The following MACF1 variants were observed in gnomAD, a reference collection of about 807,000 sequenced individuals.
MACF1 encodes the protein microtubule-actin cross-linking factor 1.
MACF1 carries 193 observed loss-of-function variants against 854.8 expected under a neutral mutation model. The ratio of observed to expected loss-of-function variants is 0.23; its 90% CI spans 0.20 to 0.25. The LOEUF (loss-of-function observed/expected upper bound fraction) is 0.25, where lower values mean the gene tolerates loss of function less well. Among genes scored for constraint, MACF1 ranks in the 10% least tolerant of loss-of-function variants. The pLI is 1.00. For missense variants in MACF1, 7,722 were observed against 8,929.1 expected, an observed-to-expected ratio of 0.86 and a Z score of 5.45; for synonymous variants, 3,185 against 3,226.7, an observed-to-expected ratio of 0.99 and a Z score of 0.44.
chr1:39,397,572 A>AG (rs1278251062), intron 58 of MACF1, among the ~76,000 whole-genome samples: 1 of 152,150 alleles, frequency 6.6e-6, no homozygotes, highest in Non-Finnish European at 1.5e-5. Flanking sequence ...AAAAAAAAAA[A>AG]AAGTAGCTAC....
At chr1:39,382,299 A>G in intron 56 of MACF1, 147 bp downstream of exon 56, 1 of 713,468 alleles carries the variant, frequency 1.4e-6, no homozygotes, top group African/African-American at 1.8e-5. Context: ...GGTGTTAATC[A>G]TGGTGCCTGT....
chr1:39,119,724 T>C (rs1338113421), intron 2 of MACF1, among the ~76,000 whole-genome samples: 1 of 152,164 alleles, frequency 6.6e-6, no homozygotes, highest in Non-Finnish European at 1.5e-5. Flanking sequence ...ATGTTCCCGA[T>C]TTTAGTGAAT....
chr1:39,089,885 G>C (rs1218275043), intron 2 of MACF1, among the ~76,000 whole-genome samples: 1 of 152,212 alleles, frequency 6.6e-6, no homozygotes, highest in Non-Finnish European at 1.5e-5. Context: ...ACGAGAATCA[G>C]AATGTGCTGG....
chr1:39,477,068 TATATATATATATATATATATATACAC>T (rs1261218130), intron 97 of MACF1, among the ~76,000 whole-genome samples: 85 of 19,452 alleles, frequency 4.4e-3, no homozygotes, highest in East Asian at 6.5e-3. Flanking sequence ...TATATATATA[TATATATATATATATATATATATACAC>T]ACACACACAT....
At chr1:39,441,818 G>T in intron 74 of MACF1, 134 bp from the exon 75 acceptor site, 1 of 667,980 alleles carries the variant, frequency 1.5e-6, no homozygotes, top group South Asian at 1.8e-5. Flanking sequence ...CTTTATCTGT[G>T]CCCCTTACCT....
chr1:39,435,433 G>A, intron 69 of MACF1, 125 bp from the exon 70 acceptor site: 2 of 722,152 alleles, frequency 2.8e-6, no homozygotes, highest in Non-Finnish European at 4.6e-6. Flanking sequence ...TGAGATGCTG[G>A]GCCTTGCTGG....
intron 2 of MACF1, among the ~76,000 whole-genome samples, chr1:39,088,854 A>G (rs2148118855): frequency 1.3e-5 from 2 of 152,208 alleles, no homozygotes; most frequent in South Asian, 4.1e-4. Context: ...GTGTACATTT[A>G]TTATTACAAG....
At chr1:39,190,200 CA>C (rs1171288123) in intron 2 of MACF1, among the ~76,000 whole-genome samples, 16 of 152,052 alleles carry the variant, frequency 1.1e-4, no homozygotes, top group African/African-American at 3.9e-4. Context: ...AAATTTTTGT[CA>C]ATATCTTTTT....
At chr1:39,287,225 T>C (rs933137015) in intron 14 of MACF1, 61 bp from the exon 15 acceptor site, 1 of 1,518,770 alleles carries the variant, frequency 6.6e-7, no homozygotes, top group African/African-American at 1.4e-5. Context: ...AGGAAGATTT[T>C]ATTTTTAAAA....
chr1:39,219,799 G>A (rs1644626752), intron 1 of MACF1, among the ~76,000 whole-genome samples: 1 of 152,176 alleles, frequency 6.6e-6, no homozygotes, highest in Non-Finnish European at 1.5e-5. Context: ...CACCCAGGCT[G>A]GATTGCAGTG....
chr1:39,119,725 T>C (rs193208618), intron 2 of MACF1, among the ~76,000 whole-genome samples: 33 of 152,292 alleles, frequency 2.2e-4, no homozygotes, highest in African/African-American at 7.9e-4. Flanking sequence ...TGTTCCCGAT[T>C]TTAGTGAATG....
chr1:39,452,827 G>C lies in MACF1; in HGVS notation c.20742+15G>C, dbSNP rs1347191967. ...ACACCCATAAGGTAATCCAGCCTTGGGGTTTGGTGACCTCATGCTACCTAC... is the reference window on the plus strand; with the variant it reads ...ACACCCATAAGGTAATCCAGCCTTGCGGTTTGGTGACCTCATGCTACCTAC... On this transcript the variant is annotated intron_variant, in intron 87 of 100. Coordinates refer to ENST00000564288, the MANE Select transcript of MACF1 (RefSeq NM_001394062.1). The C allele has an allele frequency of 6.2e-7, 1 of 1,612,638 alleles. No individual in the cohort carries two copies. The highest frequency in any genetic ancestry group is 1.7e-5 in the Admixed American group (1 of 59,978).
chr1:39,107,615 A>AT (rs1642281073), intron 2 of MACF1, among the ~76,000 whole-genome samples: 1 of 152,116 alleles, frequency 6.6e-6, no homozygotes, highest in Non-Finnish European at 1.5e-5. Context: ...GAATTCCTGC[A>AT]TTTTCCAGAC....
In MACF1 at chr1:39,437,768, T is replaced by C. The variant is rs1472789119; in HGVS notation, c.17989-9T>C. On this transcript the variant is annotated splice_polypyrimidine_tract_variant and intron_variant, in intron 70 of 100. Coordinates refer to ENST00000564288, the MANE Select transcript of MACF1 (RefSeq NM_001394062.1). ...ATGCTGTGATGGTAATGTTCCAACA[T>C]TTGTTTAGTTTCATGATAAAATTGA... The C allele has an allele frequency of 1.3e-6, 2 of 1,593,162 alleles. No homozygotes were observed. Among genetic ancestry groups the C allele is most frequent in the Non-Finnish European group, 1.7e-6 (2 of 1,160,988 alleles).
chr1:39,478,855 A>C (rs567068863), intron 97 of MACF1, among the ~76,000 whole-genome samples: 8 of 152,224 alleles, frequency 5.3e-5, no homozygotes, highest in African/African-American at 1.9e-4. Context: ...AGCTGTGTCT[A>C]GTACTTCATA....
At position 39,331,491 on chromosome 1, in the gene MACF1, G is replaced by C; in HGVS notation, c.4903G>C (p.Val1635Leu). The change falls in exon 37 of 101, where the codon GTG becomes CTG. Residue 1635 changes from valine to leucine, a missense_variant. Val to Leu is a conservative substitution (Grantham distance 32). Around this residue, in one of 15 missense-constraint regions of MACF1, gnomAD observed 1,531 missense variants for 1,601.6 expected, o/e 0.96. Transcript: ENST00000564288. ...LTESRGPLSV[V>L]EAIEKRIISE... Reference sequence around the variant, plus strand: ...TGAGAGCAGAGGCCCTCTTTCTGTGGTGGAAGCAATTGAAAAGAGAATAAT... The same window carrying C: ...TGAGAGCAGAGGCCCTCTTTCTGTGCTGGAAGCAATTGAAAAGAGAATAAT... 1 of 1,614,198 alleles carries C rather than the reference G, an allele frequency of 6.2e-7. No individual in the cohort carries two copies. Among genetic ancestry groups the C allele is most frequent in the South Asian group, 1.1e-5 (1 of 91,084 alleles).
At chr1:39,361,254 G>A in intron 48 of MACF1, 106 bp from the exon 49 acceptor site, 1 of 1,108,324 alleles carries the variant, frequency 9.0e-7, no homozygotes, top group Admixed American at 2.4e-5. Context: ...AGGCTCGGTT[G>A]CAGTCCTCCA....
intron 45 of MACF1, 111 bp downstream of exon 45, chr1:39,358,004 G>T: frequency 8.9e-7 from 1 of 1,117,634 alleles, no homozygotes. Flanking sequence ...TAGGAGAGCT[G>T]ATTTATACTT....
intron 2 of MACF1, among the ~76,000 whole-genome samples, chr1:39,174,178 C>G (rs1397697089): frequency 6.6e-6 from 1 of 152,208 alleles, no homozygotes; most frequent in Non-Finnish European, 1.5e-5. Context: ...AAAGGACCTG[C>G]TGTACTGATC....
Sources: gnomAD v4.1 joint callset for allele counts (sites outside exome capture counted in the v4.1 genomes callset) on GRCh38, gnomAD v4.1.1 for gene constraint, gnomAD v4.1.1 regional missense constraint, MANE v1.5 for transcripts, NCBI Gene and HGNC (gene_info 2026-07-23, HGNC 2026-07-21) for gene names.